SCLT1: variants seen among roughly 807,000 people sequenced by gnomAD.
SCLT1 encodes sodium channel and clathrin linker 1.
Under a neutral mutation model 112.8 loss-of-function variants are expected in SCLT1, and 78 were observed. That is an observed-to-expected ratio of 0.69 (90% CI 0.58 to 0.83). The LOEUF is 0.83. Among genes scored for constraint, SCLT1 ranks in the 40% least tolerant of loss-of-function variants. SCLT1 has a pLI of 0.00. For missense variants in SCLT1, 747 were observed against 770.4 expected (o/e 0.97, Z 0.36); for synonymous variants, 257 against 254.7 (o/e 1.01, Z -0.09).
chr4:128,906,124 T>C (rs968193266), intron 18 of SCLT1, among the ~76,000 whole-genome samples: 17 of 152,192 alleles, frequency 1.1e-4, no homozygotes, highest in African/African-American at 3.9e-4. Flanking sequence ...ATTTCTAATA[T>C]CTTACATCTT....
intron 2 of SCLT1, among the ~76,000 whole-genome samples, chr4:129,054,091 G>T (rs1250822457): frequency 1.3e-5 from 2 of 152,124 alleles, no homozygotes; most frequent in African/African-American, 2.4e-5. Flanking sequence ...CTCTCTTCTG[G>T]CTTCTAGCGT....
At chr4:129,034,591 T>TGC (rs70938448) in intron 5 of SCLT1, among the ~76,000 whole-genome samples, 2 of 148,372 alleles carry the variant, frequency 1.3e-5, no homozygotes, top group Admixed American at 1.4e-4. Context: ...TATATATATA[T>TGC]GCCTAAATAA....
chr4:129,091,503 T>C (rs1752818486), intron 1 of SCLT1, among the ~76,000 whole-genome samples: 2 of 152,086 alleles, frequency 1.3e-5, no homozygotes. Context: ...CCACCTCAAG[T>C]ACTATCCTGA....
chr4:128,936,968 A>G (rs1737241477), intron 17 of SCLT1, 117 bp from the exon 18 acceptor site: 1 of 486,912 alleles, frequency 2.1e-6, no homozygotes, highest in East Asian at 3.5e-5. Context: ...AAATGTTTGG[A>G]TGAGAAAACT....
intron 10 of SCLT1, among the ~76,000 whole-genome samples, chr4:128,968,677 ACT>A (rs1368867892): frequency 2.6e-5 from 4 of 151,798 alleles, no homozygotes; most frequent in African/African-American, 4.8e-5. Flanking sequence ...CATTGCAGTT[ACT>A]CTGTTTCGTT....
intron 8 of SCLT1, among the ~76,000 whole-genome samples, chr4:128,993,714 T>G (rs772478734): frequency 2.0e-5 from 3 of 152,102 alleles, no homozygotes; most frequent in Admixed American, 6.6e-5. Flanking sequence ...TTTCACTGAT[T>G]ATTTCATATG....
intron 11 of SCLT1, among the ~76,000 whole-genome samples, chr4:128,962,767 CT>C (rs1260265596): frequency 2.6e-4 from 40 of 152,144 alleles, no homozygotes; most frequent in African/African-American, 9.4e-4. Context: ...ATTCTCCCTA[CT>C]GCAATAGCCT....
chr4:128,930,504 G>A (rs138318258), intron 18 of SCLT1, among the ~76,000 whole-genome samples: 1 of 152,272 alleles, frequency 6.6e-6, no homozygotes, highest in African/African-American at 2.4e-5. Context: ...ACTAAATGTT[G>A]GGGTAATTTG....
intron 3 of SCLT1, among the ~76,000 whole-genome samples, chr4:128,877,675 G>A (rs887975250): frequency 6.6e-6 from 1 of 150,964 alleles, no homozygotes; most frequent in African/African-American, 2.4e-5. Context: ...AGTGAGACTC[G>A]GTCTCAAAAA....
chr4:128,954,274 T>G (rs1386490860), intron 13 of SCLT1, among the ~76,000 whole-genome samples: 1 of 152,104 alleles, frequency 6.6e-6, no homozygotes, highest in Non-Finnish European at 1.5e-5. Flanking sequence ...GAGTGTTATC[T>G]TTTTGAAGAC....
intron 5 of SCLT1, among the ~76,000 whole-genome samples, chr4:129,027,513 G>A (rs930155049): frequency 7.2e-5 from 11 of 152,302 alleles, no homozygotes; most frequent in Admixed American, 1.3e-4. Flanking sequence ...ATTAGGTATT[G>A]ATGGGACGTA....
intron 2 of SCLT1, among the ~76,000 whole-genome samples, chr4:129,071,891 T>C (rs1751044216): frequency 6.6e-6 from 1 of 152,168 alleles, no homozygotes; most frequent in East Asian, 1.9e-4. Flanking sequence ...TTTTAGCTTA[T>C]ATTTTTGTTT....
chr4:129,048,831 A>C (rs1370016911), intron 2 of SCLT1, among the ~76,000 whole-genome samples: 2 of 152,198 alleles, frequency 1.3e-5, no homozygotes, highest in Admixed American at 1.3e-4. Context: ...ATATGAACAG[A>C]CACTTCTCAA....
intron 1 of SCLT1, among the ~76,000 whole-genome samples, chr4:129,085,139 G>A (rs1009773698): frequency 6.6e-6 from 1 of 152,088 alleles, no homozygotes; most frequent in Non-Finnish European, 1.5e-5. Flanking sequence ...AGGTCTAATA[G>A]TCAGCATCTA....
At chr4:128,935,175 T>A (rs1238564509) in intron 18 of SCLT1, among the ~76,000 whole-genome samples, 2 of 152,122 alleles carry the variant, frequency 1.3e-5, no homozygotes, top group African/African-American at 2.4e-5. Context: ...GTAATGATTT[T>A]TTTTTGTTGT....
chr4:128,906,011 CAA>C lies in SCLT1; in HGVS notation c.1830-14876_1830-14875del, dbSNP rs577731721. Among the ~76,000 whole-genome samples, 69 of 152,270 alleles carry C rather than the reference CAA, an allele frequency of 4.5e-4. No individual in the cohort carries two copies. In the South Asian group the frequency reaches 0.014, roughly 30 times the overall value. On this transcript the variant is annotated intron_variant, in intron 18 of 20. Coordinates refer to ENST00000281142, the MANE Select transcript of SCLT1 (RefSeq NM_144643.4). ...AACTCCTAAGGAGAAGCTACATTCA[CAA>C]GGCTTAGAATGTAACTGGCAATCAA...
chr4:129,066,387 C>T (rs1391125381), intron 2 of SCLT1, among the ~76,000 whole-genome samples: 2 of 151,854 alleles, frequency 1.3e-5, no homozygotes, highest in Non-Finnish European at 2.9e-5. Flanking sequence ...TCACACAAGT[C>T]AAACTGACAA....
At chr4:128,961,114 T>C (rs1227006065) in intron 11 of SCLT1, among the ~76,000 whole-genome samples, 1 of 152,014 alleles carries the variant, frequency 6.6e-6, no homozygotes, top group East Asian at 1.9e-4. Context: ...TTTCAACTTT[T>C]GCGATTTCAG....
rs1453159833 is a variant in SCLT1, at chr4:129,074,768, C to A, written c.102+7538G>T. On this transcript the variant is annotated intron_variant, in intron 2 of 20. Transcript: ENST00000281142. ...CCAAACTGGAGTGCAATGGTGCAAG[C>A]ATAGCTCACTCCAGCCTCGAATTTC... Among the ~76,000 whole-genome samples, 3 of 152,182 alleles carry A rather than the reference C, an allele frequency of 2.0e-5. No homozygotes were observed. The East Asian group carries it at 5.8e-4, about 29-fold the overall frequency.
Sources: gnomAD v4.1 joint callset for allele counts (sites outside exome capture counted in the v4.1 genomes callset) on GRCh38, gnomAD v4.1.1 for gene constraint, MANE v1.5 for transcripts, NCBI Gene and HGNC (gene_info 2026-07-23, HGNC 2026-07-21) for gene names.